The following UACA variants were observed in gnomAD, a reference collection of about 807,000 sequenced individuals.
The protein encoded by UACA is nuclear membrane binding protein.
UACA carries 112 observed loss-of-function variants against 160.5 expected under a neutral mutation model. The ratio of observed to expected loss-of-function variants is 0.70; its 90% CI spans 0.60 to 0.82. The LOEUF (loss-of-function observed/expected upper bound fraction) is 0.82. Among genes scored for constraint, UACA ranks in the 40% least tolerant of loss-of-function variants. The probability of loss-of-function intolerance (pLI) is 0.00; values close to 1 mark genes in which losing one functional copy is unlikely to be tolerated. For synonymous variants in UACA, 557 were observed against 568.4 expected (o/e 0.98, Z 0.29); for missense variants, 1,574 against 1,614.6 (o/e 0.97, Z 0.43).
rs767169963 is a variant in UACA, at chr15:70,671,112, G to A, written c.1169-21C>T. 1.1e-5 allele frequency: 17 copies of A among 1,549,772 alleles called. No homozygotes were observed. In the South Asian group the frequency reaches 1.9e-4, roughly 17 times the overall value. On this transcript the variant is annotated intron_variant, in intron 14 of 18. Transcript: ENST00000322954. ...TTTTCCTAAATAAATGCAAATGAAT[G>A]ACATTTTAACTTCAATATCCATACT...
chr15:70,677,923 A>C (rs778873597), intron 11 of UACA, among the ~76,000 whole-genome samples, 176 bp downstream of exon 11: 2 of 152,126 alleles, frequency 1.3e-5, no homozygotes, highest in Non-Finnish European at 2.9e-5. Flanking sequence ...CACTGTCCTT[A>C]CTTGTTAGCT....
At chr15:70,681,896 G>A (rs1318773843) in intron 9 of UACA, 3 of 152,178 alleles carry the variant, frequency 2.0e-5, no homozygotes, top group Non-Finnish European at 4.4e-5. Context: ...TTTAAAAAAT[G>A]TAGCTTTCAG....
At chr15:70,703,273 T>C (rs1249652584) in intron 1 of UACA, 1 of 1,286,802 alleles carries the variant, frequency 7.8e-7, no homozygotes, top group Non-Finnish European at 1.0e-6. Context: ...TGAAAATTGT[T>C]TCATGGGAAT....
intron 13 of UACA, among the ~76,000 whole-genome samples, chr15:70,674,666 T>G (rs900478530): frequency 2.6e-5 from 4 of 152,134 alleles, no homozygotes; most frequent in African/African-American, 9.7e-5. Flanking sequence ...TGGCGTGATC[T>G]CACTCATTGC....
chr15:70,762,165 T>C (rs2030801002), intron 1 of UACA, among the ~76,000 whole-genome samples: 1 of 152,162 alleles, frequency 6.6e-6, no homozygotes, highest in Admixed American at 6.5e-5. Context: ...TTTTTTGAAA[T>C]AGGAATTTAA....
Position 70,668,327 on chromosome 15 carries a change from A to G in UACA, c.2357T>C (p.Leu786Pro), listed in dbSNP as rs1267670492. Reference sequence around the variant, plus strand: ...CTTACTTAAGCTGTCATTTTCCAGTAGCAATTTCTCCATTTCCAACTTCTT... The same window carrying G: ...CTTACTTAAGCTGTCATTTTCCAGTGGCAATTTCTCCATTTCCAACTTCTT... ...TEKKLEMEKL[L>P]LENDSLSKDV... is the part of the protein sequence containing the mutation. The change falls in exon 16 of 19, where the codon CTA becomes CCA. Residue 786 changes from leucine (L) to proline (P), a missense_variant. Coordinates refer to ENST00000322954, the MANE Select transcript of UACA (RefSeq NM_018003.4). 3 of 1,611,296 alleles carry G rather than the reference A, an allele frequency of 1.9e-6. No homozygotes were observed. Among genetic ancestry groups the G allele is most frequent in the East Asian group, 2.2e-5 (1 of 44,830 alleles).
chr15:70,668,969 A>G lies in UACA; in HGVS notation c.1715T>C (p.Met572Thr). The G allele has an allele frequency of 6.2e-7, 1 of 1,613,574 alleles. No homozygotes were observed. Among genetic ancestry groups the G allele is most frequent in the South Asian group, 1.1e-5 (1 of 91,068 alleles). Residue 572 changes from methionine to threonine, a missense_variant, in exon 16 of 19, where the codon ATG becomes ACG. By Grantham distance (81) the Met-to-Thr change is moderately conservative. Coordinates refer to ENST00000322954, the MANE Select transcript of UACA (RefSeq NM_018003.4). The stretch of plus-strand genomic sequence containing the variant: ...ATCCCTCTTAAACTCTTCTACTATC[A>G]TCTCATTTTGTTTGATTTGGTTTCT... Reference protein sequence around the residue: ...KLRNQIKQNEMIVEEFKRDEG... With the variant: ...KLRNQIKQNETIVEEFKRDEG...
At position 70,667,633 on chromosome 15, in the gene UACA, A is replaced by G. The variant is rs780313659; in HGVS notation, c.3051T>C (p.Ser1017=). Residue 1017 remains serine, a synonymous_variant, in exon 16 of 19, where the codon AGT becomes AGC. Transcript: ENST00000322954. ...TTTTCTTGACTTCTTCTTCACTGACACTATACTTTTGTGTCTGCTCTGATA... is the reference window on the plus strand; with the variant it reads ...TTTTCTTGACTTCTTCTTCACTGACGCTATACTTTTGTGTCTGCTCTGATA... ...DQLSEQTQKY[S]VSEEEVKKNK... is the part of the protein sequence containing the mutation. The G allele has an allele frequency of 1.2e-6, 2 of 1,612,782 alleles. No homozygotes were observed. Among genetic ancestry groups the G allele is most frequent in the African/African-American group, 1.3e-5 (1 of 74,958 alleles).
chr15:70,711,152 T>C (rs1396557040), intron 1 of UACA, among the ~76,000 whole-genome samples: 1 of 152,186 alleles, frequency 6.6e-6, no homozygotes, highest in African/African-American at 2.4e-5. Flanking sequence ...ACATCTTTCT[T>C]GTTACATCAT....
At chr15:70,684,489 A>C in intron 7 of UACA, 43 bp from the exon 8 acceptor site, 1 of 1,562,806 alleles carries the variant, frequency 6.4e-7, no homozygotes. Flanking sequence ...GAAAACTCCA[A>C]GGAAATATTG....
At chr15:70,720,329 A>C (rs1898952607) in intron 1 of UACA, among the ~76,000 whole-genome samples, 1 of 152,188 alleles carries the variant, frequency 6.6e-6, no homozygotes, top group Non-Finnish European at 1.5e-5. Context: ...GGACTAATAC[A>C]CAGTGTCTTG....
Position 70,687,537 on chromosome 15 carries a change from T to C in UACA, c.602+3A>G. ...TATCTGGGAGCCATGATAAAAGAATTACCTGTTTTGTTTGTCTCTGGAATT... is the reference window on the plus strand; with the variant it reads ...TATCTGGGAGCCATGATAAAAGAATCACCTGTTTTGTTTGTCTCTGGAATT... On this transcript the variant is annotated splice_donor_region_variant and intron_variant, in intron 7 of 18. Coordinates refer to ENST00000322954, the MANE Select transcript of UACA (RefSeq NM_018003.4). 1 of 1,613,514 alleles carries C rather than the reference T, an allele frequency of 6.2e-7. No homozygotes were observed. Among genetic ancestry groups the C allele is most frequent in the South Asian group, 1.1e-5 (1 of 91,040 alleles).
At chr15:70,707,102 G>A (rs894089573) in intron 1 of UACA, among the ~76,000 whole-genome samples, 7 of 152,132 alleles carry the variant, frequency 4.6e-5, no homozygotes. Context: ...TAGACCAGTG[G>A]AATAAAGTAA....
Position 70,696,518 on chromosome 15 carries a change from C to T in UACA, c.213-1413G>A, listed in dbSNP as rs554205821. On this transcript the variant is annotated intron_variant, in intron 2 of 18. Transcript: ENST00000322954. The stretch of plus-strand genomic sequence containing the variant: ...CAGTCTTGCGACGCTATTAGTATTA[C>T]GATGGATATAAATGCAAACTATAGA... Among the ~76,000 whole-genome samples, 11 of 152,246 alleles carry T rather than the reference C, an allele frequency of 7.2e-5. No homozygotes were observed. In the East Asian group the frequency reaches 1.9e-3, roughly 27 times the overall value.
intron 18 of UACA, among the ~76,000 whole-genome samples, chr15:70,657,705 C>A (rs1323774164): frequency 1.3e-5 from 2 of 152,102 alleles, no homozygotes; most frequent in African/African-American, 4.8e-5. Flanking sequence ...ATGATAGGGG[C>A]AGCATAAGTT....
Position 70,669,288 on chromosome 15 carries a change from C to T in UACA, c.1396G>A (p.Glu466Lys), listed in dbSNP as rs1188053967. Residue 466 changes from glutamate (E) to lysine (K), a missense_variant, in exon 16 of 19, where the codon GAA becomes AAA. By Grantham distance (56) the Glu-to-Lys change is moderately conservative. Transcript: ENST00000322954. ...CATTCTGCCACTTTGTGTGCCAGTT[C>T]ATTTTGGAGCTTCAGTCGGTCTTGT... Reference protein sequence around the residue: ...AKQDRLKLQNELAHKVAECKA... With the variant: ...AKQDRLKLQNKLAHKVAECKA... 1 of 1,614,048 alleles carries T rather than the reference C, an allele frequency of 6.2e-7. No homozygotes were observed. Among genetic ancestry groups the T allele is most frequent in the South Asian group, 1.1e-5 (1 of 91,074 alleles).
At chr15:70,678,260 T>G (rs1897360573) in intron 10 of UACA, 54 bp from the exon 11 acceptor site, 1 of 1,351,322 alleles carries the variant, frequency 7.4e-7, no homozygotes, top group East Asian at 2.3e-5. Flanking sequence ...AGCAAATTCT[T>G]AAAGGAGAAA....
At chr15:70,768,570 A>C in the UACA span, among the ~76,000 whole-genome samples, 33 of 152,266 alleles carry the variant, frequency 2.2e-4, no homozygotes, top group Admixed American at 1.2e-3. Flanking sequence ...CTGAGTGCTT[A>C]TGGTTGAAAG....
At chr15:70,735,477 G>A (rs1053439603) in intron 1 of UACA, among the ~76,000 whole-genome samples, 26 of 151,918 alleles carry the variant, frequency 1.7e-4, no homozygotes, top group African/African-American at 6.0e-4. Context: ...ACTATTTTAA[G>A]GAGTCTGAAG....
Sources: allele counts gnomAD v4.1 joint callset (sites outside exome capture counted in the v4.1 genomes callset), GRCh38; gene constraint gnomAD v4.1.1; transcripts MANE v1.5; gene names NCBI Gene and HGNC (gene_info 2026-07-23, HGNC 2026-07-21).